GABRE: variants seen among roughly 807,000 people sequenced by gnomAD.
GABRE encodes gamma-aminobutyric acid receptor subunit epsilon.
Under a neutral mutation model 31.0 loss-of-function variants are expected in GABRE, and 20 were observed. The ratio of observed to expected loss-of-function variants is 0.64; its 90% confidence interval spans 0.45 to 0.94. The LOEUF is 0.94. Among genes scored for constraint, GABRE ranks in the 40% least tolerant of loss-of-function variants. The pLI is 0.00. For synonymous variants in GABRE, 155 were observed against 150.6 expected (o/e 1.03, Z -0.21); for missense variants, 420 against 410.7 (o/e 1.02, Z -0.20).
rs557611047 is a variant in GABRE at position 151,965,212 on chromosome X, G to A, written c.343-2569C>T. Reference sequence around the variant, plus strand: ...AAGAGAAACCTCTATTTAGTCTCATGTTTTTTAAACAAGGAGAATCTTTTT... The same window carrying A: ...AAGAGAAACCTCTATTTAGTCTCATATTTTTTAAACAAGGAGAATCTTTTT... On this transcript the variant is annotated intron_variant, in intron 3 of 8. Coordinates refer to ENST00000370328, the MANE Select transcript of GABRE (RefSeq NM_004961.4). 9.0e-5 allele frequency among the ~76,000 whole-genome samples: 10 copies of A among 111,702 alleles called. No homozygotes were observed. In the South Asian group the frequency reaches 2.3e-3, roughly 25 times the overall value.
At position 151,959,262 on chromosome X, in the gene GABRE, A is replaced by G. The variant is rs147932787; in HGVS notation, c.784+577T>C. 34 of 245,395 alleles carry G rather than the reference A, an allele frequency of 1.4e-4. 1 individual carries two copies. In the East Asian group the frequency reaches 3.6e-3, roughly 26 times the overall value. The allele number at this position is 245,395 out of a possible 1,213,427, so 20.2% of individuals were successfully genotyped here. A position where few individuals can be genotyped will look rare whatever the true frequency, so the allele number is the denominator to read the frequency against. On this transcript the variant is annotated intron_variant, in intron 6 of 8. Transcript: ENST00000370328. ...AAAGGTCAGAAAACCAGTGGCCACTATGTCTATGTGGAATCCACCATGAAG... is the reference window on the plus strand; with the variant it reads ...AAAGGTCAGAAAACCAGTGGCCACTGTGTCTATGTGGAATCCACCATGAAG...
intron 3 of GABRE, among the ~76,000 whole-genome samples, chrX:151,966,667 C>T (rs1934533946): frequency 8.9e-6 from 1 of 111,994 alleles, no homozygotes; most frequent in Non-Finnish European, 1.9e-5. Flanking sequence ...ACCAAGTACA[C>T]CACAGAACAG....
chrX:151,971,673 G>GGTGGTGATGGCTACATGGAGATTCC (rs1443939032), intron 1 of GABRE: 1 of 114,689 alleles, frequency 8.7e-6, no homozygotes, highest in Admixed American at 9.4e-5. Flanking sequence ...AAACAATGGG[G>GGTGGTGATGGCTACATGGAGATTCC]GTGCACTGTT....
rs1251828971 is a variant in GABRE, at chrX:151,954,411, T to A, written c.*290A>T. The A allele has an allele frequency of 2.2e-5, 6 of 273,606 alleles. No individual in the cohort carries two copies. The highest frequency in any genetic ancestry group is 1.7e-4 in the African/African-American group (6 of 36,249). 22.5% of individuals were successfully genotyped at this position (273,606 alleles called of 1,213,427 possible). On this transcript the variant is annotated 3_prime_UTR_variant, in exon 9 of 9. Coordinates refer to ENST00000370328, the MANE Select transcript of GABRE (RefSeq NM_004961.4). ...GGCATGGTTTTAGGGAGCTGATCAC[T>A]AAGTGGCTGTGGTTTTGAACACTGA...
intron 6 of GABRE, chrX:151,956,662 T>C (rs1934180616): frequency 8.9e-6 from 1 of 112,025 alleles, no homozygotes; most frequent in Non-Finnish European, 1.9e-5. Context: ...AAACTGAGTG[T>C]TTCAGGGAAA....
At chrX:151,974,386 G>A (rs1405309107) in intron 1 of GABRE, among the ~76,000 whole-genome samples, 184 bp downstream of exon 1, 1 of 111,516 alleles carries the variant, frequency 9.0e-6, no homozygotes, top group Non-Finnish European at 1.9e-5. Flanking sequence ...ATCCTACAGT[G>A]AGGCGGGCCG....
chrX:151,957,429 G>A (rs969403467), intron 6 of GABRE: 15 of 328,439 alleles, frequency 4.6e-5, no homozygotes, highest in Admixed American at 2.8e-4. Flanking sequence ...GACCACCCTC[G>A]CACTTGCCTA....
chrX:151,970,547 A>G, intron 1 of GABRE, 145 bp from the exon 2 acceptor site: 2 of 639,576 alleles, frequency 3.1e-6, no homozygotes, highest in Non-Finnish European at 4.6e-6. Context: ...ATTATAAGAC[A>G]GTGACAGATT....
rs149290389 is a variant in GABRE, at chrX:151,954,834, C to A, written c.1388G>T (p.Cys463Phe). 4 of 1,210,602 alleles carry A rather than the reference C, an allele frequency of 3.3e-6. No homozygotes were observed. The African/African-American group carries it at 5.2e-5, about 16-fold the overall frequency. The change falls in exon 9 of 9, where the codon TGT becomes TTT. Residue 463 changes from cysteine (C) to phenylalanine (F), a missense_variant. Transcript: ENST00000370328. ...GCCCTGCTGCCAGGTACTGCCCTCACAATCGGGGACCATGCAGAAGTACTT... is the reference window on the plus strand; with the variant it reads ...GCCCTGCTGCCAGGTACTGCCCTCAAAATCGGGGACCATGCAGAAGTACTT... ...FKKYFCMVPD[C>F]EGSTWQQGRL... is the part of the protein sequence containing the mutation.
chrX:151,963,481 T>C (rs1227621032), intron 3 of GABRE, among the ~76,000 whole-genome samples: 2 of 112,592 alleles, frequency 1.8e-5, no homozygotes, highest in Non-Finnish European at 3.8e-5. Flanking sequence ...GTGTTTATCC[T>C]ACAAGGTCAA....
In GABRE at chrX:151,955,522, C is replaced by T. The variant is rs758332176; in HGVS notation, c.983G>A (p.Arg328His). 3.6e-5 allele frequency: 43 copies of T among 1,210,379 alleles called. No individual in the cohort carries two copies. Among genetic ancestry groups the T allele is most frequent in the South Asian group, 1.6e-4 (9 of 56,835 alleles). The change falls in exon 8 of 9, where the codon CGT becomes CAT. Residue 328 changes from arginine (R) to histidine (H), a missense_variant. Physicochemically the swap from Arg to His is conservative, Grantham distance 29. Coordinates refer to ENST00000370328, the MANE Select transcript of GABRE (RefSeq NM_004961.4). ...ATAGGAGACACGCGGGAAATTCTTACGAGAAAAGGTGCCCAACGTGGTCAT... is the reference window on the plus strand; with the variant it reads ...ATAGGAGACACGCGGGAAATTCTTATGAGAAAAGGTGCCCAACGTGGTCAT... Reference protein sequence around the residue: ...LTMTTLGTFSRKNFPRVSYIT... With the variant: ...LTMTTLGTFSHKNFPRVSYIT...
At chrX:151,972,806 C>A (rs1053622296) in intron 1 of GABRE, 2 of 245,322 alleles carry the variant, frequency 8.2e-6, no homozygotes, top group East Asian at 4.8e-4. Context: ...GCATACCTTT[C>A]CCCAGCCAGC....
intron 3 of GABRE, among the ~76,000 whole-genome samples, chrX:151,963,780 T>C (rs760328127): frequency 8.9e-6 from 1 of 112,221 alleles, no homozygotes; most frequent in Non-Finnish European, 1.9e-5. Context: ...TCTGACGTTA[T>C]AGATTCTGAG....
chrX:151,954,655 C>A lies in GABRE; in HGVS notation c.*46G>T. On this transcript the variant is annotated 3_prime_UTR_variant, in exon 9 of 9. Transcript: ENST00000370328. ...AACTCCCTTGGCAAGGGGCTTGGAC[C>A]TCCTGGGGAACTGGAGAGGTTGCCC... The A allele has an allele frequency of 9.5e-7, 1 of 1,051,275 alleles. No individual in the cohort carries two copies. The allele number at this position is 1,051,275 out of a possible 1,213,427, so 86.6% of individuals were successfully genotyped here.
Position 151,955,464 on chromosome X carries a change from G to T in GABRE, c.1041C>A (p.Cys347Ter). The change falls in exon 8 of 9, where the codon TGC (cysteine) becomes TGA (stop). Residue 347 changes from cysteine (C) to a stop codon, truncating the protein, a stop_gained. Transcript: ENST00000370328. LOFTEE classifies it high-confidence loss of function. ...ACAGAGCGCAGAAGCAGAAGACGAA[G>T]CAGATGGCGATATAGAAATCCAAGG... ...ITALDFYIAICFVFCFCALLE... is the reference protein window; with the variant it reads ...ITALDFYIAI 1 of 1,211,386 alleles carries T rather than the reference G, an allele frequency of 8.3e-7. No individual in the cohort carries two copies. The highest frequency in any genetic ancestry group is 1.1e-6 in the Non-Finnish European group (1 of 895,004).
intron 3 of GABRE, among the ~76,000 whole-genome samples, chrX:151,965,023 C>T (rs1485261548): frequency 2.7e-5 from 3 of 111,303 alleles, no homozygotes; most frequent in African/African-American, 9.8e-5. Flanking sequence ...TGGTGGCAGG[C>T]ATCTGTAATC....
In GABRE at chrX:151,969,690, A is replaced by G. The variant is rs1934627579; in HGVS notation, c.321T>C (p.Gly107=). 7 of 1,208,017 alleles carry G rather than the reference A, an allele frequency of 5.8e-6. No individual in the cohort carries two copies. The South Asian group carries it at 1.1e-4, about 18-fold the overall frequency. The change falls in exon 3 of 9, where the codon GGT becomes GGC. Residue 107 remains glycine (G), a synonymous_variant. Coordinates refer to ENST00000370328, the MANE Select transcript of GABRE (RefSeq NM_004961.4). ...VTVEISVNSL[G]PLSILDMEYT... ...TCACCATGTCTAGGATAGAGAGAGGACCAAGGCTGTTGACGGAGATCTCAA... is the reference window on the plus strand; with the variant it reads ...TCACCATGTCTAGGATAGAGAGAGGGCCAAGGCTGTTGACGGAGATCTCAA...
chrX:151,955,939 C>T, intron 6 of GABRE, 79 bp from the exon 7 acceptor site: 10 of 1,000,289 alleles, frequency 1.0e-5, no homozygotes, highest in Non-Finnish European at 1.4e-5. Flanking sequence ...CAGTAAGGGT[C>T]TCATTTTTCA....
In GABRE at chrX:151,970,301, T is replaced by C; in HGVS notation, c.158A>G (p.Glu53Gly). 1 of 1,212,018 alleles carries C rather than the reference T, an allele frequency of 8.3e-7. No individual in the cohort carries two copies. The highest frequency in any genetic ancestry group is 1.8e-5 in the South Asian group (1 of 56,989). The change falls in exon 2 of 9, where the codon GAA becomes GGA. Residue 53 changes from glutamate (E) to glycine (G), a missense_variant. By Grantham distance (98) the Glu-to-Gly change is moderately conservative. Coordinates refer to ENST00000370328, the MANE Select transcript of GABRE (RefSeq NM_004961.4). ...AGTCTCAGTCTCAGTTGACTTTGTT[T>C]CCTCAGAGAGGAGCTGATTTTCCAG... is the stretch of plus-strand genomic sequence containing the variant. The part of the protein sequence containing the change: ...QPLENQLLSE[E>G]TKSTETETGS...
Sources: gnomAD v4.1 joint callset for allele counts (sites outside exome capture counted in the v4.1 genomes callset) on GRCh38, gnomAD v4.1.1 for gene constraint, MANE v1.5 for transcripts, NCBI Gene and HGNC (gene_info 2026-07-23, HGNC 2026-07-21) for gene names.